Variants in CAPN9 observed in about 807,000 individuals in gnomAD.
The protein encoded by CAPN9 is calpain-9.
In CAPN9, 81 loss-of-function variants were observed where a neutral mutation model predicts 92.8. The ratio of observed to expected loss-of-function variants is 0.87; its 90% CI spans 0.73 to 1.05. The LOEUF is 1.05. CAPN9 is among the 50% of genes least tolerant of loss of function. The pLI is 0.00. For synonymous variants in CAPN9, 304 were observed against 328.0 expected, an observed-to-expected ratio of 0.93 and a Z score of 0.79; for missense variants, 848 against 866.2, an observed-to-expected ratio of 0.98 and a Z score of 0.26.
chr1:230,798,291 T>C (rs1668476114), intron 19 of CAPN9, 71 bp downstream of exon 19: 6 of 979,350 alleles, frequency 6.1e-6, no homozygotes, highest in Non-Finnish European at 9.7e-6. Flanking sequence ...GCATAGATGT[T>C]TGCCGAATGC....
intron 6 of CAPN9, among the ~76,000 whole-genome samples, chr1:230,771,444 C>G (rs909508274): frequency 6.6e-6 from 1 of 152,272 alleles, no homozygotes; most frequent in African/African-American, 2.4e-5. Context: ...CAGGAATCCT[C>G]ACAGACACCT....
At chr1:230,750,003 C>T (rs1664664163) in intron 1 of CAPN9, among the ~76,000 whole-genome samples, 1 of 152,176 alleles carries the variant, frequency 6.6e-6, no homozygotes, top group Admixed American at 6.5e-5. Context: ...GCATGGAGGG[C>T]ATCTTTGTCT....
At chr1:230,762,476 G>C (rs924271922) in intron 3 of CAPN9, among the ~76,000 whole-genome samples, 177 bp from the exon 4 acceptor site, 5 of 152,230 alleles carry the variant, frequency 3.3e-5, no homozygotes, top group Non-Finnish European at 7.3e-5. Flanking sequence ...TACTCAGCTT[G>C]TAACTTGGTG....
intron 1 of CAPN9, among the ~76,000 whole-genome samples, chr1:230,749,734 G>C (rs1403755086): frequency 1.3e-5 from 2 of 152,160 alleles, no homozygotes; most frequent in Non-Finnish European, 2.9e-5. Context: ...AACTTATGGG[G>C]TCCTCATGAG....
At chr1:230,759,455 T>C in intron 2 of CAPN9, 57 bp from the exon 3 acceptor site, 1 of 1,251,974 alleles carries the variant, frequency 8.0e-7, no homozygotes, top group Non-Finnish European at 1.1e-6. Flanking sequence ...ACACAGAGTT[T>C]TCCTATTTGC....
chr1:230,767,341 C>T (rs1033077132), intron 4 of CAPN9, among the ~76,000 whole-genome samples, 200 bp from the exon 5 acceptor site: 4 of 152,172 alleles, frequency 2.6e-5, no homozygotes, highest in Non-Finnish European at 1.5e-5. Context: ...GCCTCCCTTG[C>T]AGGAAGGTCA....
intron 7 of CAPN9, 151 bp from the exon 8 acceptor site, chr1:230,774,403 G>A (rs929992574): frequency 3.2e-5 from 20 of 633,756 alleles, no homozygotes; most frequent in South Asian, 3.1e-4. Flanking sequence ...CTCACCTGCC[G>A]CTACATCCCT....
At chr1:230,795,870 G>A (rs28359729) in intron 18 of CAPN9, among the ~76,000 whole-genome samples, 3 of 152,056 alleles carry the variant, frequency 2.0e-5, no homozygotes, top group Non-Finnish European at 2.9e-5. Context: ...CAAAGGACCC[G>A]TGCCCTCAAG....
At chr1:230,770,267 C>A (rs1572041468) in intron 6 of CAPN9, among the ~76,000 whole-genome samples, 1 of 152,190 alleles carries the variant, frequency 6.6e-6, no homozygotes, top group East Asian at 1.9e-4. Flanking sequence ...AAGTCCCAGT[C>A]TGAGGGCAGG....
intron 6 of CAPN9, among the ~76,000 whole-genome samples, 173 bp from the exon 7 acceptor site, chr1:230,771,841 G>A (rs1666405405): frequency 1.3e-5 from 2 of 152,236 alleles, no homozygotes; most frequent in African/African-American, 4.8e-5. Context: ...AAGGTTCCAA[G>A]GGCTGGTTAA....
rs201110574 is a variant in CAPN9, at chr1:230,755,988, A to G, written c.283+582A>G. Among the ~76,000 whole-genome samples, 24 of 152,212 alleles carry G rather than the reference A, an allele frequency of 1.6e-4. No homozygotes were observed. In the East Asian group the frequency reaches 2.1e-3, roughly 13 times the overall value. On this transcript the variant is annotated intron_variant, in intron 2 of 19. Transcript: ENST00000271971. ...AATGAACCTGAGTGCACCTCAAGTCACTCAAATTGGGTCCTGCATTTTAGG... is the reference window on the plus strand; with the variant it reads ...AATGAACCTGAGTGCACCTCAAGTCGCTCAAATTGGGTCCTGCATTTTAGG...
intron 4 of CAPN9, among the ~76,000 whole-genome samples, chr1:230,766,750 G>A (rs1423116750): frequency 6.6e-6 from 1 of 152,164 alleles, no homozygotes; most frequent in Non-Finnish European, 1.5e-5. Flanking sequence ...ACATTCAATT[G>A]GACTCACAGT....
At chr1:230,754,709 G>A (rs1572012783) in intron 1 of CAPN9, among the ~76,000 whole-genome samples, 2 of 152,168 alleles carry the variant, frequency 1.3e-5, no homozygotes, top group South Asian at 4.1e-4. Flanking sequence ...CAGTTACTTG[G>A]GAGGCTGAGG....
At chr1:230,770,578 G>A (rs1558096213) in intron 6 of CAPN9, among the ~76,000 whole-genome samples, 1 of 152,168 alleles carries the variant, frequency 6.6e-6, no homozygotes, top group East Asian at 1.9e-4. Flanking sequence ...GATCCTGGGG[G>A]ACACCCAGAC....
intron 1 of CAPN9, chr1:230,752,823 C>T (rs796675133): frequency 1.9e-4 from 71 of 381,028 alleles, no homozygotes; most frequent in African/African-American, 1.3e-3. Context: ...GGTTTCCCTT[C>T]GGGCAGGCAC....
At chr1:230,751,615 GAAAGAA>G (rs1664810601) in intron 1 of CAPN9, among the ~76,000 whole-genome samples, 3 of 33,672 alleles carry the variant, frequency 8.9e-5, no homozygotes, top group Admixed American at 3.4e-4. Context: ...GAAAGAGAAA[GAAAGAA>G]AGAAAGAAAG....
chr1:230,788,737 C>A (rs1194273046), intron 13 of CAPN9, among the ~76,000 whole-genome samples: 1 of 152,068 alleles, frequency 6.6e-6, no homozygotes, highest in East Asian at 1.9e-4. Context: ...CGGGACAGAG[C>A]ATGGTGAGGG....
intron 1 of CAPN9, among the ~76,000 whole-genome samples, chr1:230,748,040 GC>G (rs2102817117): frequency 6.6e-6 from 1 of 152,260 alleles, no homozygotes. Flanking sequence ...ACAAGGACAG[GC>G]CCCCACCCTG....
chr1:230,774,577 G>A lies in CAPN9; in HGVS notation c.899G>A (p.Gly300Asp). ...AGTTCTCCGGAGTGGCGTTCTGTTG[G>A]TCCAGCTGAGCAGAAGCGTCTGTGT... The part of the protein sequence containing the change: ...SDSSPEWRSV[G>D]PAEQKRLCHT... Residue 300 changes from glycine to aspartate, a missense_variant, in exon 8 of 20, where the codon GGT (glycine) becomes GAT (aspartate). Physicochemically the swap from Gly to Asp is moderately conservative, Grantham distance 94. Transcript: ENST00000271971. 2 of 1,613,884 alleles carry A rather than the reference G, an allele frequency of 1.2e-6. No individual in the cohort carries two copies. Among genetic ancestry groups the A allele is most frequent in the Non-Finnish European group, 1.7e-6 (2 of 1,179,848 alleles).
Sources: gnomAD v4.1 joint callset for allele counts (sites outside exome capture counted in the v4.1 genomes callset) on GRCh38, gnomAD v4.1.1 for gene constraint, MANE v1.5 for transcripts, NCBI Gene and HGNC (gene_info 2026-07-23, HGNC 2026-07-21) for gene names.